The following RPS6KA5 variants were observed in gnomAD, a reference collection of about 807,000 sequenced individuals.
The protein encoded by RPS6KA5 is ribosomal protein S6 kinase alpha-5.
A neutral mutation model predicts 85.5 loss-of-function variants in RPS6KA5; 27 were observed. The ratio of observed to expected loss-of-function variants is 0.32; its 90% CI spans 0.23 to 0.44. The LOEUF is 0.44. Among genes scored for constraint, RPS6KA5 ranks in the 20% least tolerant of loss-of-function variants. The probability of loss-of-function intolerance (pLI) is 1.00; values close to 1 mark genes in which losing one functional copy is unlikely to be tolerated. For missense variants in RPS6KA5, 811 were observed against 980.9 expected (o/e 0.83, Z 2.31); for synonymous variants, 334 against 348.2 (o/e 0.96, Z 0.46).
At chr14:90,872,658 T>C (rs1350861061) in intron 16 of RPS6KA5, among the ~76,000 whole-genome samples, 1 of 152,198 alleles carries the variant, frequency 6.6e-6, no homozygotes, top group African/African-American at 2.4e-5. Flanking sequence ...ACTATCCCCA[T>C]TGCTTTTACT....
intron 2 of RPS6KA5, among the ~76,000 whole-genome samples, chr14:90,989,735 C>G (rs2040223358): frequency 6.6e-6 from 1 of 152,118 alleles, no homozygotes; most frequent in South Asian, 2.1e-4. Flanking sequence ...CAAACAAATT[C>G]TAAAAGATGA....
At chr14:90,912,528 AG>A (rs1199373172) in intron 7 of RPS6KA5, among the ~76,000 whole-genome samples, 5 of 152,178 alleles carry the variant, frequency 3.3e-5, no homozygotes, top group Non-Finnish European at 5.9e-5. Flanking sequence ...CTTATTTTTC[AG>A]GGTTCTGAGG....
chr14:91,034,165 C>T (rs1175166427), intron 1 of RPS6KA5, among the ~76,000 whole-genome samples: 1 of 151,854 alleles, frequency 6.6e-6, no homozygotes, highest in Non-Finnish European at 1.5e-5. Context: ...ATTTGCTGGG[C>T]ATGGTGATAT....
intron 14 of RPS6KA5, among the ~76,000 whole-genome samples, chr14:90,887,259 G>A (rs1056802522): frequency 6.6e-6 from 1 of 152,172 alleles, no homozygotes; most frequent in Non-Finnish European, 1.5e-5. Flanking sequence ...ACGGCTCACT[G>A]CAGTCTCAAC....
intron 2 of RPS6KA5, among the ~76,000 whole-genome samples, chr14:90,997,828 T>C (rs889738309): frequency 6.6e-6 from 1 of 151,550 alleles, no homozygotes; most frequent in African/African-American, 2.4e-5. Context: ...CTGGCCAACA[T>C]AGTGAAACCC....
rs907517868 is a variant in RPS6KA5, at chr14:90,861,500, C to A, written c.*10574G>T. 2 of 142,952 alleles carry A rather than the reference C, an allele frequency of 1.4e-5. No homozygotes were observed. Among genetic ancestry groups the A allele is most frequent in the African/African-American group, 5.2e-5 (2 of 38,806 alleles). The allele number at this position is 142,952 out of a possible 1,614,324, so 8.9% of individuals were successfully genotyped here. A position where few individuals can be genotyped will look rare whatever the true frequency, so the allele number is the denominator to read the frequency against. ...TCCCGCCACTGCACTCCAGCCTGGG[C>A]GACAGAGCGAGACTCTGTCTCAAAA... On this transcript the variant is annotated 3_prime_UTR_variant, in exon 17 of 17. Transcript: ENST00000614987.
rs1454760872 is a variant in RPS6KA5 at position 90,858,167 on chromosome 14, CATTT to C, written c.*13903_*13906del. On this transcript the variant is annotated 3_prime_UTR_variant, in exon 17 of 17. Transcript: ENST00000614987. ...AAAAGTACAGCTCACTGCCAGCATT[CATTT>C]AATTTTACGTAAACACATTCTTTGA... is the stretch of plus-strand genomic sequence containing the variant. 1 of 152,110 alleles carries C rather than the reference CATTT, an allele frequency of 6.6e-6. No individual in the cohort carries two copies. The highest frequency in any genetic ancestry group is 1.9e-4 in the East Asian group (1 of 5,198). 9.4% of individuals were successfully genotyped at this position (152,110 alleles called of 1,614,324 possible).
chr14:91,010,908 T>C (rs1004993650), intron 1 of RPS6KA5, among the ~76,000 whole-genome samples: 3 of 152,112 alleles, frequency 2.0e-5, no homozygotes, highest in African/African-American at 7.2e-5. Context: ...GAGAAGGATA[T>C]GTTAAGGTGT....
chr14:90,995,025 T>A (rs1334331891), intron 2 of RPS6KA5, among the ~76,000 whole-genome samples: 1 of 152,142 alleles, frequency 6.6e-6, no homozygotes, highest in East Asian at 1.9e-4. Context: ...ACTAAATTCA[T>A]ACTTGCTTGT....
At chr14:91,055,240 T>C (rs2043264596) in intron 1 of RPS6KA5, among the ~76,000 whole-genome samples, 1 of 152,366 alleles carries the variant, frequency 6.6e-6, no homozygotes, top group South Asian at 2.1e-4. Context: ...AGACTTTGTT[T>C]AGCTTTGTTT....
chr14:90,973,012 A>G (rs74756874), intron 3 of RPS6KA5, among the ~76,000 whole-genome samples: 6 of 152,246 alleles, frequency 3.9e-5, no homozygotes, highest in Non-Finnish European at 8.8e-5. Flanking sequence ...ATGAGACACT[A>G]CTACTCACCT....
intron 2 of RPS6KA5, among the ~76,000 whole-genome samples, chr14:90,979,259 T>C (rs1483636565): frequency 6.6e-6 from 1 of 152,232 alleles, no homozygotes; most frequent in African/African-American, 2.4e-5. Context: ...CCTCTGCATT[T>C]ATTTTCTTAG....
At chr14:90,992,543 T>A (rs1056120949) in intron 2 of RPS6KA5, among the ~76,000 whole-genome samples, 1 of 152,218 alleles carries the variant, frequency 6.6e-6, no homozygotes. Context: ...ATATTAAAAA[T>A]TTCACATATA....
At chr14:91,018,583 G>C (rs1270633203) in intron 1 of RPS6KA5, among the ~76,000 whole-genome samples, 1 of 152,152 alleles carries the variant, frequency 6.6e-6, no homozygotes, top group Non-Finnish European at 1.5e-5. Flanking sequence ...TCCTATGCTG[G>C]ATTCTTCCTT....
At chr14:90,900,956 C>A (rs927149282) in intron 9 of RPS6KA5, among the ~76,000 whole-genome samples, 1 of 152,110 alleles carries the variant, frequency 6.6e-6, no homozygotes, top group Non-Finnish European at 1.5e-5. Context: ...TAGAACTAAA[C>A]CAATTCAAAA....
At chr14:90,888,886 AC>A (rs2034389909) in intron 14 of RPS6KA5, among the ~76,000 whole-genome samples, 1 of 152,228 alleles carries the variant, frequency 6.6e-6, no homozygotes, top group Admixed American at 6.5e-5. Flanking sequence ...CAAGTGACAC[AC>A]CAGAAAAAAC....
chr14:91,033,171 C>T (rs950453815), intron 1 of RPS6KA5, among the ~76,000 whole-genome samples: 2 of 140,704 alleles, frequency 1.4e-5, no homozygotes, highest in Non-Finnish European at 3.0e-5. Flanking sequence ...GCCTGGCAGA[C>T]AGAGTGAGAC....
chr14:90,955,704 C>A (rs1275652654), intron 3 of RPS6KA5, among the ~76,000 whole-genome samples: 1 of 152,028 alleles, frequency 6.6e-6, no homozygotes. Context: ...GTATATATAT[C>A]CTGCAATTAC....
intron 1 of RPS6KA5, among the ~76,000 whole-genome samples, chr14:91,049,923 AAG>A (rs931147773): frequency 4.3e-4 from 65 of 152,350 alleles, no homozygotes; most frequent in African/African-American, 1.5e-3. Context: ...TAACCAGAGA[AAG>A]AGTAGAGTAA....
Sources: gnomAD v4.1 joint callset for allele counts (sites outside exome capture counted in the v4.1 genomes callset) on GRCh38, gnomAD v4.1.1 for gene constraint, MANE v1.5 for transcripts, NCBI Gene and HGNC (gene_info 2026-07-23, HGNC 2026-07-21) for gene names.